TENM2: variants seen among roughly 807,000 people sequenced by gnomAD.
TENM2 encodes the protein teneurin transmembrane protein 2, also known as teneurin-2.
TENM2 carries 52 observed loss-of-function variants against 245.2 expected under a neutral mutation model. The ratio of observed to expected loss-of-function variants is 0.21; its 90% CI spans 0.17 to 0.27. The LOEUF (loss-of-function observed/expected upper bound fraction) is 0.27. Among genes scored for constraint, TENM2 ranks in the 10% least tolerant of loss-of-function variants. The probability of loss-of-function intolerance (pLI) is 1.00; values close to 1 mark genes in which losing one functional copy is unlikely to be tolerated. For missense variants in TENM2, 3,046 were observed against 3,666.8 expected (o/e 0.83, Z 4.37); for synonymous variants, 1,363 against 1,438.9 (o/e 0.95, Z 1.19).
the TENM2 span, among the ~76,000 whole-genome samples, chr5:167,046,083 T>C: frequency 6.6e-6 from 1 of 152,210 alleles, no homozygotes; most frequent in Non-Finnish European, 1.5e-5. Flanking sequence ...AGCCACTTAC[T>C]GTCTTGCTTT....
intron 2 of TENM2, among the ~76,000 whole-genome samples, chr5:167,779,248 G>A (rs1343783067): frequency 2.0e-5 from 3 of 152,136 alleles, no homozygotes; most frequent in Non-Finnish European, 4.4e-5. Flanking sequence ...AGCCACAAAG[G>A]TATTTTAGGC....
intron 2 of TENM2, among the ~76,000 whole-genome samples, chr5:167,420,003 C>T (rs188377799): frequency 3.0e-4 from 46 of 151,998 alleles, no homozygotes; most frequent in Non-Finnish European, 3.5e-4. Flanking sequence ...AGTTGAACTT[C>T]GAAGTAAGTG....
At chr5:167,762,011 A>G (rs1762704472) in intron 2 of TENM2, among the ~76,000 whole-genome samples, 1 of 152,204 alleles carries the variant, frequency 6.6e-6, no homozygotes, top group African/African-American at 2.4e-5. Flanking sequence ...AGAAAGAATT[A>G]AGTACATGCA....
At chr5:167,547,220 G>A (rs530180638) in intron 2 of TENM2, among the ~76,000 whole-genome samples, 42 of 152,218 alleles carry the variant, frequency 2.8e-4, no homozygotes, top group South Asian at 1.7e-3. Context: ...CGAGTAGCTC[G>A]GATTACAGGC....
chr5:167,488,678 C>T (rs1768239079), intron 2 of TENM2, among the ~76,000 whole-genome samples: 1 of 151,960 alleles, frequency 6.6e-6, no homozygotes, highest in Non-Finnish European at 1.5e-5. Flanking sequence ...CCACCACATC[C>T]AAAGTGATCT....
At chr5:167,125,067 G>A in the TENM2 span, among the ~76,000 whole-genome samples, 2 of 152,180 alleles carry the variant, frequency 1.3e-5, no homozygotes, top group East Asian at 3.9e-4. Context: ...TGTTAGAAAT[G>A]CCAAGTTCTT....
At chr5:167,248,440 A>G in the TENM2 span, among the ~76,000 whole-genome samples, 2,498 of 152,104 alleles carry the variant, frequency 0.016, 110 homozygotes, top group East Asian at 0.18. Flanking sequence ...CCGCCCCCAG[A>G]TTCTCTGATT....
chr5:167,061,306 G>T, the TENM2 span, among the ~76,000 whole-genome samples: 1 of 152,084 alleles, frequency 6.6e-6, no homozygotes, highest in Non-Finnish European at 1.5e-5. Flanking sequence ...CCTTGAAAGA[G>T]TTCAGAGTCT....
chr5:167,921,087 C>T (rs1346315953), intron 3 of TENM2, among the ~76,000 whole-genome samples: 2 of 152,152 alleles, frequency 1.3e-5, no homozygotes, highest in Non-Finnish European at 2.9e-5. Context: ...GGCCTTATAT[C>T]AAATCAACCA....
chr5:166,988,240 T>C, the TENM2 span, among the ~76,000 whole-genome samples: 43 of 152,216 alleles, frequency 2.8e-4, no homozygotes, highest in Non-Finnish European at 5.6e-4. Context: ...AAATCATAGC[T>C]AAGCCATCAA....
At chr5:167,351,422 T>C (rs989107613) in intron 1 of TENM2, among the ~76,000 whole-genome samples, 1 of 152,154 alleles carries the variant, frequency 6.6e-6, no homozygotes, top group Non-Finnish European at 1.5e-5. Flanking sequence ...TGTTTTTAAA[T>C]GACACACATT....
intron 25 of TENM2, chr5:168,229,814 T>TTTC (rs777012527): frequency 6.6e-6 from 1 of 152,202 alleles, no homozygotes; most frequent in Non-Finnish European, 1.5e-5. Flanking sequence ...CTCCCAGGTT[T>TTTC]TTCTTCCTCT....
chr5:167,154,551 C>T, the TENM2 span, among the ~76,000 whole-genome samples: 1 of 152,162 alleles, frequency 6.6e-6, no homozygotes, highest in Non-Finnish European at 1.5e-5. Flanking sequence ...AAAAATTCTT[C>T]ACTCTGATAA....
At chr5:167,416,665 A>G (rs2127414863) in intron 2 of TENM2, among the ~76,000 whole-genome samples, 1 of 143,074 alleles carries the variant, frequency 7.0e-6, no homozygotes, top group Non-Finnish European at 1.5e-5. Flanking sequence ...TTATATGAGA[A>G]TTACTCTCTT....
chr5:167,113,350 C>T, the TENM2 span, among the ~76,000 whole-genome samples: 22 of 151,930 alleles, frequency 1.4e-4, no homozygotes, highest in African/African-American at 5.3e-4. Context: ...GCTTTTAAAA[C>T]GTTTAATAAG....
At chr5:167,254,525 T>A in the TENM2 span, among the ~76,000 whole-genome samples, 2 of 152,162 alleles carry the variant, frequency 1.3e-5, no homozygotes, top group African/African-American at 4.8e-5. Flanking sequence ...TTAAATTTCT[T>A]CAACTTCTCT....
intron 2 of TENM2, among the ~76,000 whole-genome samples, chr5:167,393,126 GA>G (rs1195219620): frequency 2.8e-5 from 4 of 144,490 alleles, no homozygotes; most frequent in African/African-American, 1.0e-4. Flanking sequence ...CATCTCGGGG[GA>G]AAAAAAAGGA....
At chr5:168,188,266 G>A (rs559243002) in intron 13 of TENM2, among the ~76,000 whole-genome samples, 5 of 152,190 alleles carry the variant, frequency 3.3e-5, no homozygotes, top group Non-Finnish European at 7.3e-5. Flanking sequence ...TCCAGTACAA[G>A]TGTTTGTCAA....
intron 2 of TENM2, among the ~76,000 whole-genome samples, chr5:167,731,037 G>A (rs955551826): frequency 2.0e-5 from 3 of 151,890 alleles, no homozygotes; most frequent in African/African-American, 4.8e-5. Flanking sequence ...GTGGATGCAA[G>A]GATTCTTTTG....
Sources: allele counts gnomAD v4.1 joint callset (sites outside exome capture counted in the v4.1 genomes callset), GRCh38; gene constraint gnomAD v4.1.1; transcripts MANE v1.5; gene names NCBI Gene and HGNC (gene_info 2026-07-23, HGNC 2026-07-21).